The following OVCH1 variants were observed in gnomAD, a reference collection of about 807,000 sequenced individuals.
OVCH1 encodes the protein ovochymase-1.
In OVCH1, 139 loss-of-function variants were observed where a neutral mutation model predicts 138.4. That is an observed-to-expected ratio of 1.00 (90% CI 0.87 to 1.16). The LOEUF is 1.16. Among genes scored for constraint, OVCH1 ranks in the 50% most tolerant of loss-of-function variants. The pLI, the probability that OVCH1 is intolerant of heterozygous loss-of-function variation, is 0.00. For missense variants in OVCH1, 1,367 were observed against 1,357.9 expected (o/e 1.01, Z -0.11); for synonymous variants, 453 against 467.8 (o/e 0.97, Z 0.41).
At chr12:29,450,163 A>C (rs932859221) in intron 22 of OVCH1, among the ~76,000 whole-genome samples, 3 of 152,224 alleles carry the variant, frequency 2.0e-5, no homozygotes, top group African/African-American at 7.2e-5. Context: ...CAAAATTGAC[A>C]AATAGGATCT....
chr12:29,490,191 G>A (rs779939152), intron 5 of OVCH1, among the ~76,000 whole-genome samples: 2 of 152,060 alleles, frequency 1.3e-5, no homozygotes, highest in Non-Finnish European at 2.9e-5. Context: ...AGTTTCCCAA[G>A]TAGCTGGGAC....
chr12:29,444,586 T>C (rs1941565994), intron 23 of OVCH1, among the ~76,000 whole-genome samples: 1 of 152,066 alleles, frequency 6.6e-6, no homozygotes, highest in Non-Finnish European at 1.5e-5. Flanking sequence ...TCTTAATATA[T>C]TCTTCCAAGA....
At chr12:29,419,618 A>G (rs950997285) in intron 3 of OVCH1, among the ~76,000 whole-genome samples, 2 of 152,096 alleles carry the variant, frequency 1.3e-5, no homozygotes, top group Admixed American at 1.3e-4. Context: ...TTTAAGATGC[A>G]TGATGCCTCA....
At chr12:29,472,035 A>G (rs1046327898) in intron 15 of OVCH1, 53 bp from the exon 16 acceptor site, 53 of 1,500,514 alleles carry the variant, frequency 3.5e-5, no homozygotes, top group Admixed American at 1.7e-4. Context: ...TTTAGAACAT[A>G]CTCCTCCAAT....
chr12:29,474,074 TACACACACACACACACACACACAC>T (rs146655743), intron 14 of OVCH1, among the ~76,000 whole-genome samples: 1 of 145,192 alleles, frequency 6.9e-6, no homozygotes, highest in African/African-American at 2.5e-5. Context: ...CACACACACA[TACACACACACACACACACACACAC>T]ACACACATAT....
At chr12:29,487,143 G>C in intron 7 of OVCH1, 1 of 229,748 alleles carries the variant, frequency 4.4e-6, no homozygotes, top group East Asian at 1.2e-4. Flanking sequence ...AAAATGTGTG[G>C]TTTCTGCATT....
At chr12:29,449,424 T>C (rs774626837) in intron 22 of OVCH1, among the ~76,000 whole-genome samples, 11 of 152,072 alleles carry the variant, frequency 7.2e-5, no homozygotes, top group Non-Finnish European at 1.2e-4. Context: ...TTGATGGGGA[T>C]AGCATTGAAT....
At chr12:29,465,538 G>A (rs1312595632) in intron 16 of OVCH1, among the ~76,000 whole-genome samples, 2 of 152,068 alleles carry the variant, frequency 1.3e-5, no homozygotes, top group East Asian at 3.9e-4. Flanking sequence ...AACAGGTAGG[G>A]AGGGAAACCA....
intron 6 of OVCH1, among the ~76,000 whole-genome samples, chr12:29,489,331 G>A (rs1463611750): frequency 6.6e-6 from 1 of 152,216 alleles, no homozygotes; most frequent in Non-Finnish European, 1.5e-5. Flanking sequence ...ATAAGATTGT[G>A]AAAGTGGTCA....
rs1943102229 is a variant in OVCH1, at chr12:29,486,253, T to TCC, written c.987_988insGG (p.Lys330GlyfsTer5). ...CTCTAATTAGAACCACACATACCCT[T>TCC]TCCTCTCTGGCTTCCATTCACTTCT... On this transcript the variant is annotated frameshift_variant, in exon 8 of 28. Coordinates refer to ENST00000318184, the Ensembl canonical transcript of OVCH1. LOFTEE classifies it high-confidence loss of function. 1.9e-6 allele frequency: 3 copies of TCC among 1,610,672 alleles called. No individual in the cohort carries two copies. The highest frequency in any genetic ancestry group is 2.5e-6 in the Non-Finnish European group (3 of 1,177,338).
chr12:29,474,814 G>A (rs569499922), intron 14 of OVCH1, among the ~76,000 whole-genome samples: 2 of 152,226 alleles, frequency 1.3e-5, no homozygotes, highest in East Asian at 3.9e-4. Flanking sequence ...GTGGCGTGTG[G>A]AATCTTTATG....
At chr12:29,486,463 T>C (rs1943110448) in intron 7 of OVCH1, 115 bp from the exon 8 acceptor site, 2 of 807,090 alleles carry the variant, frequency 2.5e-6, no homozygotes. Context: ...CTAAAATCAA[T>C]GCAGAGGGAA....
At position 29,439,321 on chromosome 12, in the gene OVCH1, T is replaced by C. The variant is rs368388352; in HGVS notation, c.3264+7A>G. ...CCAAGTTCTAATCACCTCTTTGAGT[T>C]ACTCACCACTGAATTTTCCCATATA... On this transcript the variant is annotated splice_region_variant and intron_variant, in intron 26 of 27. Coordinates refer to ENST00000318184, the Ensembl canonical transcript of OVCH1. 2.3e-4 allele frequency: 340 copies of C among 1,501,918 alleles called. 1 individual carries two copies. The highest frequency in any genetic ancestry group is 2.8e-4 in the Non-Finnish European group (319 of 1,128,118). The allele number at this position is 1,501,918 out of a possible 1,614,324, so 93.0% of individuals were successfully genotyped here.
intron 19 of OVCH1, among the ~76,000 whole-genome samples, chr12:29,459,014 G>A (rs1942043738): frequency 6.6e-6 from 1 of 152,112 alleles, no homozygotes; most frequent in Non-Finnish European, 1.5e-5. Flanking sequence ...TGGAGAAAAA[G>A]GGAACCCATG....
chr12:29,411,948 T>G (rs61917237), downstream of OVCH1, among the ~76,000 whole-genome samples: 85,263 of 151,510 alleles, frequency 0.56, 26,088 homozygotes, highest in Middle Eastern at 0.78. Flanking sequence ...TTGAGCTGTG[T>G]TGGGCTCCAC....
intron 23 of OVCH1, among the ~76,000 whole-genome samples, chr12:29,445,008 C>G (rs960840362): frequency 6.6e-6 from 1 of 152,006 alleles, no homozygotes; most frequent in Non-Finnish European, 1.5e-5. Context: ...TATAAAATTG[C>G]AACCACAGAA....
intron 26 of OVCH1, among the ~76,000 whole-genome samples, chr12:29,436,249 C>CTTAT (rs1359716948): frequency 1.3e-5 from 2 of 150,794 alleles, no homozygotes; most frequent in African/African-American, 4.9e-5. Flanking sequence ...ATACATAAAG[C>CTTAT]TTATTTTAAT....
intron 6 of OVCH1, among the ~76,000 whole-genome samples, chr12:29,488,620 C>CAAAAAAAAAAAAAAAAAAAATAAAAAA (rs1943183588): frequency 1.6e-5 from 1 of 61,752 alleles, no homozygotes; most frequent in Non-Finnish European, 2.9e-5. Context: ...GACTCCATCT[C>CAAAAAAAAAAAAAAAAAAAATAAAAAA]AAAAAAAAAA....
intron 26 of OVCH1, among the ~76,000 whole-genome samples, chr12:29,434,223 A>G (rs888753631): frequency 6.6e-6 from 1 of 152,192 alleles, no homozygotes; most frequent in African/African-American, 2.4e-5. Flanking sequence ...AGTGAATTCC[A>G]AAAGAGAAAA....
Sources: gnomAD v4.1 joint callset for allele counts (sites outside exome capture counted in the v4.1 genomes callset) on GRCh38, gnomAD v4.1.1 for gene constraint, MANE v1.5 for transcripts, NCBI Gene and HGNC (gene_info 2026-07-23, HGNC 2026-07-21) for gene names.